The following CD300LD variants were observed in gnomAD, a reference collection of about 807,000 sequenced individuals.
The protein encoded by CD300LD is CD300 molecule like family member d.
CD300LD carries 18 observed loss-of-function variants against 20.3 expected under a neutral mutation model. The observed-to-expected ratio is 0.89, with a 90% CI of 0.61 to 1.32. The LOEUF (loss-of-function observed/expected upper bound fraction) is 1.32, where lower values mean the gene tolerates loss of function less well. CD300LD is among the 40% of genes most tolerant of loss of function. CD300LD has a pLI of 0.00. For synonymous variants in CD300LD, 104 were observed against 90.1 expected (o/e 1.15, Z -0.87); for missense variants, 195 against 226.6 (o/e 0.86, Z 0.90).
At chr17:74,582,134 T>C in intron 3 of CD300LD, 84 bp downstream of exon 3, 1 of 1,037,460 alleles carries the variant, frequency 9.6e-7, no homozygotes, top group South Asian at 1.4e-5. Context: ...CTGGGCATGC[T>C]ATTGTTGTAT....
intron 2 of CD300LD, among the ~76,000 whole-genome samples, chr17:74,583,887 G>A (rs2030093460): frequency 6.6e-6 from 1 of 151,630 alleles, no homozygotes; most frequent in Non-Finnish European, 1.5e-5. Flanking sequence ...AAGCATCTGG[G>A]ACTACAGGTT....
At position 74,585,164 on chromosome 17, in the gene CD300LD, T is replaced by A. The variant is rs1250313106; in HGVS notation, c.380-2853A>T. ...ATTAAGATGCTGAAGAAGGTCACTA[T>A]ACATAACCCGTGGTTTCCACAGACA... is the stretch of plus-strand genomic sequence containing the variant. On this transcript the variant is annotated intron_variant, in intron 2 of 3. Transcript: ENST00000375352. Among the ~76,000 whole-genome samples the A allele has an allele frequency of 3.3e-5, 5 of 152,368 alleles. No homozygotes were observed. In the East Asian group the frequency reaches 9.6e-4, roughly 29 times the overall value.
chr17:74,585,922 A>G (rs1189994607), intron 2 of CD300LD, among the ~76,000 whole-genome samples: 4 of 152,190 alleles, frequency 2.6e-5, no homozygotes, highest in Non-Finnish European at 5.9e-5. Flanking sequence ...GGAACATCAC[A>G]TGGCACTCCC....
chr17:74,587,084 G>T (rs2030180342), intron 2 of CD300LD, among the ~76,000 whole-genome samples: 1 of 152,138 alleles, frequency 6.6e-6, no homozygotes, highest in Non-Finnish European at 1.5e-5. Context: ...AGGAGGTGGA[G>T]GTTGTGGTGA....
downstream of CD300LD, among the ~76,000 whole-genome samples, chr17:74,579,193 C>G (rs753242494): frequency 6.6e-6 from 1 of 152,234 alleles, no homozygotes; most frequent in Non-Finnish European, 1.5e-5. Context: ...AACCTCTGCT[C>G]TCTTCTGTAC....
intron 3 of CD300LD, among the ~76,000 whole-genome samples, chr17:74,580,431 G>A (rs59699829): frequency 0.23 from 35,070 of 152,072 alleles, 5,151 homozygotes; most frequent in African/African-American, 0.42. Context: ...TACTTACCTC[G>A]GCTTCTGCTG....
intron 2 of CD300LD, among the ~76,000 whole-genome samples, chr17:74,586,195 GA>G (rs2030154613): frequency 6.6e-6 from 1 of 152,170 alleles, no homozygotes; most frequent in South Asian, 2.1e-4. Context: ...AAAAACTCGG[GA>G]AATTTTCTCA....
chr17:74,582,214 C>G lies in CD300LD; in HGVS notation c.473+4G>C. The G allele has an allele frequency of 6.2e-7, 1 of 1,613,470 alleles. No individual in the cohort carries two copies. The highest frequency in any genetic ancestry group is 8.5e-7 in the Non-Finnish European group (1 of 1,179,718). On this transcript the variant is annotated splice_donor_region_variant and intron_variant, in intron 3 of 3. Coordinates refer to ENST00000375352, the MANE Select transcript of CD300LD (RefSeq NM_001115152.2). ...CGAAAGTGGTGGGACCTGGCTCCAC[C>G]TACCTGGTGAGGGGGCTGCTGGTCT...
At position 74,588,592 on chromosome 17, in the gene CD300LD, C is replaced by T. The variant is rs2143292825; in HGVS notation, c.298G>A (p.Asp100Asn). 1 of 1,614,192 alleles carries T rather than the reference C, an allele frequency of 6.2e-7. No individual in the cohort carries two copies. The highest frequency in any genetic ancestry group is 8.5e-7 in the Non-Finnish European group (1 of 1,180,022). The part of the protein sequence containing the change: ...FTVTMENLKR[D>N]DADSYWCGTE... The stretch of plus-strand genomic sequence containing the variant: ...CCACACCAATAACTGTCAGCATCAT[C>T]TCTTTTGAGATTCTCCATGGTCACG... Residue 100 changes from aspartate (D) to asparagine (N), a missense_variant, in exon 2 of 4, where the codon GAT becomes AAT. By Grantham distance (23) the Asp-to-Asn change is conservative. Coordinates refer to ENST00000375352, the MANE Select transcript of CD300LD (RefSeq NM_001115152.2).
At chr17:74,591,259 A>AAAAT (rs1555650236) in intron 1 of CD300LD, among the ~76,000 whole-genome samples, 4 of 112,820 alleles carry the variant, frequency 3.5e-5, no homozygotes, top group African/African-American at 8.8e-5. Flanking sequence ...ACAAAAAAAA[A>AAAAT]AAAAATAAAA....
Position 74,579,929 on chromosome 17 carries a change from G to T in CD300LD, c.*73C>A. 6 of 848,690 alleles carry T rather than the reference G, an allele frequency of 7.1e-6. No homozygotes were observed. The South Asian group carries it at 8.9e-5, about 13-fold the overall frequency. The allele number at this position is 848,690 out of a possible 1,614,324, so 52.6% of individuals were successfully genotyped here. ...GAAAAGAAAATGTTTTTTCTTCTGT[G>T]GGAGGGCCTTTCGCCCTGGACAGGA... On this transcript the variant is annotated 3_prime_UTR_variant, in exon 4 of 4. Coordinates refer to ENST00000375352, the MANE Select transcript of CD300LD (RefSeq NM_001115152.2).
Position 74,579,897 on chromosome 17 carries a change from AAGAAG to A in CD300LD, c.*100_*104del. ...AAGACTCTATCTCTAGAAAGAAAAA[AAGAAG>A]AGAAAAGAAAATGTTTTTTCTTCTG... On this transcript the variant is annotated 3_prime_UTR_variant, in exon 4 of 4. Coordinates refer to ENST00000375352, the MANE Select transcript of CD300LD (RefSeq NM_001115152.2). 1.5e-6 allele frequency: 1 copy of A among 655,838 alleles called. No individual in the cohort carries two copies. The highest frequency in any genetic ancestry group is 1.8e-5 in the African/African-American group (1 of 54,828). The allele number at this position is 655,838 out of a possible 1,614,324, so 40.6% of individuals were successfully genotyped here. A position where few individuals can be genotyped will look rare whatever the true frequency, so the allele number is the denominator to read the frequency against.
Position 74,579,799 on chromosome 17 carries a change from C to T in CD300LD, c.*203G>A, listed in dbSNP as rs528093158. Reference sequence around the variant, plus strand: ...ACTCTGGAGGTTGAGGCAGGAGGATCGCTTGAGCCTGGGAGGGGAAAGTTG... The same window carrying T: ...ACTCTGGAGGTTGAGGCAGGAGGATTGCTTGAGCCTGGGAGGGGAAAGTTG... On this transcript the variant is annotated 3_prime_UTR_variant, in exon 4 of 4. Coordinates refer to ENST00000375352, the MANE Select transcript of CD300LD (RefSeq NM_001115152.2). 2.5e-4 allele frequency: 89 copies of T among 349,816 alleles called. No individual in the cohort carries two copies. Among genetic ancestry groups the T allele is most frequent in the African/African-American group, 1.6e-3 (78 of 47,654 alleles). The allele number at this position is 349,816 out of a possible 1,614,324, so 21.7% of individuals were successfully genotyped here.
At chr17:74,591,036 C>T (rs1348140784) in intron 1 of CD300LD, among the ~76,000 whole-genome samples, 1 of 147,422 alleles carries the variant, frequency 6.8e-6, no homozygotes, top group African/African-American at 2.4e-5. Context: ...GATCCCAGCA[C>T]TGTACTCCAG....
intron 2 of CD300LD, among the ~76,000 whole-genome samples, chr17:74,583,543 G>A (rs577565505): frequency 6.6e-6 from 1 of 152,164 alleles, no homozygotes. Flanking sequence ...GTGGTATTTT[G>A]TTGTGACAGC....
chr17:74,589,263 C>A (rs898094612), intron 1 of CD300LD, among the ~76,000 whole-genome samples: 5 of 151,926 alleles, frequency 3.3e-5, no homozygotes, highest in African/African-American at 1.2e-4. Context: ...CCTAGTGGTT[C>A]TAATGGTTTC....
chr17:74,585,372 G>GA (rs1258886059), intron 2 of CD300LD, among the ~76,000 whole-genome samples: 1 of 152,002 alleles, frequency 6.6e-6, no homozygotes, highest in Admixed American at 6.6e-5. Context: ...CTAAAAATCT[G>GA]AAAAAATATT....
At chr17:74,582,930 T>C (rs2030070650) in intron 2 of CD300LD, among the ~76,000 whole-genome samples, 1 of 152,246 alleles carries the variant, frequency 6.6e-6, no homozygotes, top group African/African-American at 2.4e-5. Context: ...ATTCAAAGTT[T>C]GCTTCAGGAG....
At chr17:74,580,502 T>C (rs1363570539) in intron 3 of CD300LD, among the ~76,000 whole-genome samples, 1 of 152,200 alleles carries the variant, frequency 6.6e-6, no homozygotes, top group African/African-American at 2.4e-5. Context: ...CTACCCACCT[T>C]TCAGGTATCA....
Sources: allele counts gnomAD v4.1 joint callset (sites outside exome capture counted in the v4.1 genomes callset), GRCh38; gene constraint gnomAD v4.1.1; transcripts MANE v1.5; gene names NCBI Gene and HGNC (gene_info 2026-07-23, HGNC 2026-07-21).